The following MAP7D2 variants were observed in gnomAD, a reference collection of about 807,000 sequenced individuals.
MAP7D2 encodes the protein MAP7 domain containing 2, also known as MAP7 domain-containing protein 2.
In MAP7D2, 33 loss-of-function variants were observed where a neutral mutation model predicts 63.5. The observed-to-expected ratio is 0.52, with a 90% confidence interval of 0.39 to 0.70. The LOEUF (loss-of-function observed/expected upper bound fraction) is 0.70, where lower values mean the gene tolerates loss of function less well. MAP7D2 is among the 30% of genes least tolerant of loss of function. The pLI, the probability that MAP7D2 is intolerant of heterozygous loss-of-function variation, is 0.00. For missense variants in MAP7D2, 626 were observed against 604.0 expected (o/e 1.04, Z -0.38); for synonymous variants, 224 against 223.7 (o/e 1.00, Z -0.01).
At chrX:20,106,039 G>C (rs997864652) in intron 1 of MAP7D2, among the ~76,000 whole-genome samples, 2 of 111,598 alleles carry the variant, frequency 1.8e-5, no homozygotes, top group African/African-American at 3.3e-5. Context: ...GAGCAAATGG[G>C]GGCCAAACCG....
rs145146461 is a variant in MAP7D2 at position 20,108,801 on chromosome X, A to G, written c.130+7949T>C. On this transcript the variant is annotated intron_variant, in intron 1 of 16. Transcript: ENST00000379643. ...ACACACTAGCCTAGAGTATCAGAGA[A>G]TCTTCCAGGGTCCTTCTAGAGCAAT... is the stretch of plus-strand genomic sequence containing the variant. Among the ~76,000 whole-genome samples the G allele has an allele frequency of 4.0e-3, 442 of 109,301 alleles. 2 individuals carry two copies. The highest frequency in any genetic ancestry group is 0.014 in the African/African-American group (416 of 29,787). The allele number at this position is 109,301 out of a possible 115,157, so 94.9% of individuals were successfully genotyped here. A position where few individuals can be genotyped will look rare whatever the true frequency, so the allele number is the denominator to read the frequency against.
chrX:20,089,420 G>T (rs1213535126), intron 1 of MAP7D2, among the ~76,000 whole-genome samples: 5 of 111,855 alleles, frequency 4.5e-5, no homozygotes, highest in Non-Finnish European at 9.4e-5. Context: ...GGGAAATATT[G>T]TACTAGATTT....
chrX:20,106,027 G>A (rs1406224825), intron 1 of MAP7D2, among the ~76,000 whole-genome samples: 1 of 111,820 alleles, frequency 8.9e-6, no homozygotes, highest in Non-Finnish European at 1.9e-5. Context: ...ATGATACAGA[G>A]AGAGCAAATG....
At chrX:20,089,364 G>A (rs752785218) in intron 1 of MAP7D2, among the ~76,000 whole-genome samples, 199 of 112,148 alleles carry the variant, frequency 1.8e-3, no homozygotes, top group Non-Finnish European at 2.3e-3. Context: ...AGGAATCTGT[G>A]TTTTTAATAA....
intron 8 of MAP7D2, among the ~76,000 whole-genome samples, chrX:20,031,782 C>T (rs1183240854): frequency 8.9e-6 from 1 of 111,795 alleles, no homozygotes; most frequent in Non-Finnish European, 1.9e-5. Flanking sequence ...AACCCAGAAT[C>T]TTACTGGGAC....
At chrX:20,068,320 T>C (rs1370830102) in intron 1 of MAP7D2, among the ~76,000 whole-genome samples, 2 of 112,147 alleles carry the variant, frequency 1.8e-5, no homozygotes, top group Non-Finnish European at 3.8e-5. Flanking sequence ...GCCTGGCAGC[T>C]CCCTCCTGTG....
At chrX:20,054,445 G>T (rs2065022463) in intron 4 of MAP7D2, among the ~76,000 whole-genome samples, 1 of 111,506 alleles carries the variant, frequency 9.0e-6, no homozygotes, top group Non-Finnish European at 1.9e-5. Context: ...ATCACATTAA[G>T]ATATTATTTT....
intron 8 of MAP7D2, among the ~76,000 whole-genome samples, chrX:20,039,737 A>G (rs1368326522): frequency 9.0e-6 from 1 of 111,366 alleles, no homozygotes. Flanking sequence ...AAGGTGGCTC[A>G]CACCTGTAAT....
intron 3 of MAP7D2, among the ~76,000 whole-genome samples, chrX:20,058,848 C>T (rs2065129520): frequency 8.9e-6 from 1 of 112,275 alleles, no homozygotes; most frequent in African/African-American, 3.2e-5. Context: ...AAAACTTGTC[C>T]AGTGCACAAG....
At chrX:20,081,984 T>C (rs1345379157) in intron 1 of MAP7D2, among the ~76,000 whole-genome samples, 1 of 111,673 alleles carries the variant, frequency 9.0e-6, no homozygotes, top group Admixed American at 9.5e-5. Context: ...GAGCACAAAC[T>C]ACCCAATGTG....
At chrX:20,013,156 G>A (rs1459705982) in intron 13 of MAP7D2, 24 bp from the exon 14 acceptor site, 3 of 1,107,591 alleles carry the variant, frequency 2.7e-6, no homozygotes, top group Non-Finnish European at 2.5e-6. Flanking sequence ...GAAGGTGAAT[G>A]AAATGAGGGA....
At chrX:20,080,840 G>A (rs2065760706) in intron 1 of MAP7D2, among the ~76,000 whole-genome samples, 1 of 112,077 alleles carries the variant, frequency 8.9e-6, no homozygotes, top group Non-Finnish European at 1.9e-5. Context: ...CGCTACACAA[G>A]CACTGCTCAA....
chrX:20,077,604 C>T (rs1216062980), intron 1 of MAP7D2, among the ~76,000 whole-genome samples: 1 of 112,233 alleles, frequency 8.9e-6, no homozygotes, highest in Non-Finnish European at 1.9e-5. Context: ...ATCCAGCACA[C>T]AATAGGAGCT....
chrX:20,069,112 A>C (rs1329913290), intron 1 of MAP7D2, among the ~76,000 whole-genome samples: 1 of 111,984 alleles, frequency 8.9e-6, no homozygotes, highest in Non-Finnish European at 1.9e-5. Context: ...TTCCAAAAGA[A>C]AGTCTTTATG....
chrX:20,085,440 G>C (rs1407076134), intron 1 of MAP7D2, among the ~76,000 whole-genome samples: 6 of 112,030 alleles, frequency 5.4e-5, no homozygotes, highest in Non-Finnish European at 9.4e-5. Context: ...GTAAAATGTA[G>C]GTTGCCTTAC....
chrX:20,026,699 A>G (rs1227044269), intron 8 of MAP7D2, among the ~76,000 whole-genome samples: 5 of 111,827 alleles, frequency 4.5e-5, no homozygotes, highest in East Asian at 5.6e-4. Flanking sequence ...GTTAAAACAC[A>G]GGAGCTCGTC....
At chrX:20,008,530 T>A (rs942135015) in intron 16 of MAP7D2, 132 bp from the exon 17 acceptor site, 1 of 112,463 alleles carries the variant, frequency 8.9e-6, no homozygotes, top group Non-Finnish European at 1.9e-5. Flanking sequence ...GCAATTATAT[T>A]TTCCTCCTGG....
At chrX:20,070,652 A>T (rs2065479631) in intron 1 of MAP7D2, among the ~76,000 whole-genome samples, 1 of 110,453 alleles carries the variant, frequency 9.1e-6, no homozygotes, top group Non-Finnish European at 1.9e-5. Context: ...ATCCAGGCAA[A>T]CTTGCAACTC....
At chrX:20,062,430 T>C (rs1420378255) in intron 3 of MAP7D2, among the ~76,000 whole-genome samples, 1 of 111,066 alleles carries the variant, frequency 9.0e-6, no homozygotes, top group Non-Finnish European at 1.9e-5. Flanking sequence ...GAAAGGGTGC[T>C]TCTTGGGCAA....
Sources: allele counts gnomAD v4.1 joint callset (sites outside exome capture counted in the v4.1 genomes callset), GRCh38; gene constraint gnomAD v4.1.1; transcripts MANE v1.5; gene names NCBI Gene and HGNC (gene_info 2026-07-23, HGNC 2026-07-21).